The following IL1B variants were observed in gnomAD, a reference collection of about 807,000 sequenced individuals.
IL1B encodes interleukin 1 beta, also known as interleukin-1 beta.
IL1B carries 11 observed loss-of-function variants against 26.2 expected under a neutral mutation model. That is an observed-to-expected ratio of 0.42 (90% CI 0.26 to 0.70). The LOEUF is 0.70. Among genes scored for constraint, IL1B ranks in the 30% least tolerant of loss-of-function variants. IL1B has a pLI of 0.25. For missense variants in IL1B, 255 were observed against 327.5 expected, an observed-to-expected ratio of 0.78 and a Z score of 1.71; for synonymous variants, 118 against 120.8, an observed-to-expected ratio of 0.98 and a Z score of 0.15.
chr2:112,831,648 C>T (rs1259944372), intron 5 of IL1B, among the ~76,000 whole-genome samples: 6 of 152,100 alleles, frequency 3.9e-5, no homozygotes, highest in Non-Finnish European at 5.9e-5. Flanking sequence ...CTCAGAGCCT[C>T]ATAGCAGTAG....
At position 112,832,741 on chromosome 2, in the gene IL1B, T is replaced by C; in HGVS notation, c.387A>G (p.Ser129=). ...VRSLNCTLRD[S]QQKSLVMSGP... ...CAGACATCACCAAGCTTTTTTGCTG[T>C]GAGTCCCGGAGCGTGCAGTTCAGTG... The change falls in exon 5 of 7, where the codon TCA becomes TCG. Residue 129 remains serine (S), a synonymous_variant. Transcript: ENST00000263341. 6.2e-7 allele frequency: 1 copy of C among 1,614,196 alleles called. No individual in the cohort carries two copies. The highest frequency in any genetic ancestry group is 8.5e-7 in the Non-Finnish European group (1 of 1,180,022).
intron 5 of IL1B, among the ~76,000 whole-genome samples, chr2:112,832,048 T>C (rs1681994029): frequency 6.6e-6 from 1 of 152,212 alleles, no homozygotes; most frequent in African/African-American, 2.4e-5. Flanking sequence ...AGGCTGTCCT[T>C]CAAAGTCAGC....
At chr2:112,833,599 G>A (rs747123501) in intron 3 of IL1B, 24 bp from the exon 4 acceptor site, 6 of 1,606,996 alleles carry the variant, frequency 3.7e-6, no homozygotes, top group Non-Finnish European at 5.1e-6. Context: ...GAGGGAGGGA[G>A]CCTGGTGAGG....
Position 112,835,624 on chromosome 2 carries a change from T to TA in IL1B, c.48-8dup. 6.2e-7 allele frequency: 1 copy of TA among 1,611,354 alleles called. No individual in the cohort carries two copies. The highest frequency in any genetic ancestry group is 8.5e-7 in the Non-Finnish European group (1 of 1,177,434). ...CAAGTCATCCTCATTGCCACTGTAA[T>TA]AAAAACAGGGACATGTCTCAATTAT... On this transcript the variant is annotated splice_polypyrimidine_tract_variant and splice_region_variant and intron_variant, in intron 2 of 6. Transcript: ENST00000263341.
chr2:112,831,046 A>G (rs1347200821), intron 6 of IL1B: 1 of 491,964 alleles, frequency 2.0e-6, no homozygotes, highest in Admixed American at 3.0e-5. Flanking sequence ...CTAACAATAT[A>G]TAATCTGTTG....
chr2:112,833,666 A>C, intron 3 of IL1B, 91 bp from the exon 4 acceptor site: 1 of 1,176,552 alleles, frequency 8.5e-7, no homozygotes, highest in South Asian at 1.2e-5. Flanking sequence ...AGAGAGGAGG[A>C]AAGGGCTTGA....
chr2:112,834,917 C>A (rs950976485), intron 3 of IL1B, among the ~76,000 whole-genome samples: 1 of 152,158 alleles, frequency 6.6e-6, no homozygotes, highest in African/African-American at 2.4e-5. Flanking sequence ...GAAAAATGAC[C>A]ATTTGCTGCC....
At chr2:112,831,034 C>G in intron 6 of IL1B, 1 of 475,540 alleles carries the variant, frequency 2.1e-6, no homozygotes, top group South Asian at 2.0e-5. Flanking sequence ...ATGAGAGCAG[C>G]CCTAACAATA....
Position 112,830,168 on chromosome 2 carries a change from G to C in IL1B, c.*193C>G. 1.7e-6 allele frequency: 1 copy of C among 592,500 alleles called. No individual in the cohort carries two copies. The highest frequency in any genetic ancestry group is 3.0e-6 in the Non-Finnish European group (1 of 331,142). 36.7% of individuals were successfully genotyped at this position (592,500 alleles called of 1,614,324 possible). A position where few individuals can be genotyped will look rare whatever the true frequency, so the allele number is the denominator to read the frequency against. On this transcript the variant is annotated 3_prime_UTR_variant, in exon 7 of 7. Transcript: ENST00000263341. ...AAAGGGCTGGGGATTGGCCCTGAAA[G>C]GAGAGAGCTGACTGTCCTGGCTGAT...
At chr2:112,831,494 A>T (rs1398329364) in intron 5 of IL1B, 72 bp from the exon 6 acceptor site, 2 of 1,560,278 alleles carry the variant, frequency 1.3e-6, no homozygotes, top group African/African-American at 1.4e-5. Flanking sequence ...AGGCCCCATG[A>T]GTAGGATACA....
chr2:112,835,370 C>T lies in IL1B; in HGVS notation c.99+196G>A, dbSNP rs3917353. The stretch of plus-strand genomic sequence containing the variant: ...CACCAAGTGTGGCCACCACCACCAA[C>T]GTTAGTGAGTGACTGTGGTGATATG... On this transcript the variant is annotated intron_variant, in intron 3 of 6. Transcript: ENST00000263341. The T allele has an allele frequency of 2.3e-3, 1,493 of 640,132 alleles. 20 individuals are homozygous for T. The African/African-American group carries it at 0.024, about 10-fold the overall frequency. The allele number at this position is 640,132 out of a possible 1,614,324, so 39.7% of individuals were successfully genotyped here.
Position 112,831,234 on chromosome 2 carries a change from C to T in IL1B, c.597+58G>A. ...ATGGGGGCGGGGAGAAGGTGGTTGT[C>T]TGGGAATAAGTGGTAGCAGGAGGCT... On this transcript the variant is annotated intron_variant, in intron 6 of 6. Transcript: ENST00000263341. 3 of 1,607,488 alleles carry T rather than the reference C, an allele frequency of 1.9e-6. No individual in the cohort carries two copies. In the South Asian group the frequency reaches 3.3e-5, roughly 18 times the overall value.
Position 112,832,810 on chromosome 2 carries a change from G to A in IL1B, c.318C>T (p.Asp106=), listed in dbSNP as rs766629497. 1.2e-6 allele frequency: 2 copies of A among 1,614,204 alleles called. No homozygotes were observed. The highest frequency in any genetic ancestry group is 1.7e-6 in the Non-Finnish European group (2 of 1,180,036). ...GCACATAAGCCTCGTTATCCCATGT[G>A]TCGAAGAAGATAGGTTCTGAAATGT... ...FIFEEEPIFF[D]TWDNEAYVHD... is the part of the protein sequence containing the mutation. The change falls in exon 5 of 7, where the codon GAC becomes GAT. Residue 106 remains aspartate, a synonymous_variant. Coordinates refer to ENST00000263341, the MANE Select transcript of IL1B (RefSeq NM_000576.3).
chr2:112,836,153 C>CTTTCA, intron 2 of IL1B, 30 bp downstream of exon 2: 1 of 1,605,512 alleles, frequency 6.2e-7, no homozygotes, highest in Non-Finnish European at 8.5e-7. Context: ...GAGACCTGCT[C>CTTTCA]ATGTTACTGG....
Position 112,831,372 on chromosome 2 carries a change from G to T in IL1B, c.517C>A (p.Pro173Thr). 1 of 1,613,994 alleles carries T rather than the reference G, an allele frequency of 6.2e-7. No individual in the cohort carries two copies. Among genetic ancestry groups the T allele is most frequent in the Non-Finnish European group, 8.5e-7 (1 of 1,179,908 alleles). The change falls in exon 6 of 7, where the codon CCT becomes ACT. Residue 173 changes from proline to threonine, a missense_variant. By Grantham distance (38) the Pro-to-Thr change is conservative. Transcript: ENST00000263341. Reference sequence around the variant, plus strand: ...TTTTCCTTGAGGCCCAAGGCCACAGGTATTTTGTCATTACTTTCTTCTCCT... The same window carrying T: ...TTTTCCTTGAGGCCCAAGGCCACAGTTATTTTGTCATTACTTTCTTCTCCT... ...VQGEESNDKI[P>T]VALGLKEKNL...
At position 112,830,541 on chromosome 2, in the gene IL1B, C is replaced by A. The variant is rs138009692; in HGVS notation, c.630G>T (p.Lys210Asn). 1.3e-6 allele frequency: 2 copies of A among 1,526,938 alleles called. No individual in the cohort carries two copies. The highest frequency in any genetic ancestry group is 2.4e-5 in the South Asian group (2 of 82,228). 94.6% of individuals were successfully genotyped at this position (1,526,938 alleles called of 1,614,324 possible). ...SVDPKNYPKK[K>N]MEKRFVFNKI... ...TGTTGAAGACAAATCGCTTTTCCAT[C>A]TTCTTCTTTGGGTAATTTTTGGGAT... The change falls in exon 7 of 7, where the codon AAG (lysine) becomes AAT (asparagine). Residue 210 changes from lysine (K) to asparagine (N), a missense_variant. Transcript: ENST00000263341.
At position 112,830,116 on chromosome 2, in the gene IL1B, G is replaced by T; in HGVS notation, c.*245C>A. On this transcript the variant is annotated 3_prime_UTR_variant, in exon 7 of 7. Transcript: ENST00000263341. ...TGTCAGGCGGGCTTTAAGTGAGTAG[G>T]AGAGGTGAGAGAGGCCTGGCTCAAC... The T allele has an allele frequency of 2.0e-6, 1 of 509,134 alleles. No individual in the cohort carries two copies. Among genetic ancestry groups the T allele is most frequent in the Non-Finnish European group, 3.5e-6 (1 of 283,380 alleles). The allele number at this position is 509,134 out of a possible 1,614,324, so 31.5% of individuals were successfully genotyped here. A position where few individuals can be genotyped will look rare whatever the true frequency, so the allele number is the denominator to read the frequency against.
chr2:112,830,725 C>T (rs1143643), intron 6 of IL1B, 152 bp from the exon 7 acceptor site: 209,599 of 638,918 alleles, frequency 0.33, 36,859 homozygotes, highest in East Asian at 0.54. Context: ...CCCAACTTTC[C>T]GTGTGATTAT....
rs1002440259 is a variant in IL1B, at chr2:112,829,987, AAAAC to A, written c.*370_*373del. ...CTTTGAATAAATTAGACCAATGAAT[AAAAC>A]AAACAAACAAATAAATAAATAAATA... On this transcript the variant is annotated 3_prime_UTR_variant, in exon 7 of 7. Coordinates refer to ENST00000263341, the MANE Select transcript of IL1B (RefSeq NM_000576.3). 5.0e-5 allele frequency: 11 copies of A among 219,018 alleles called. No individual in the cohort carries two copies. Among genetic ancestry groups the A allele is most frequent in the Admixed American group, 2.6e-4 (5 of 19,280 alleles). The allele number at this position is 219,018 out of a possible 1,614,324, so 13.6% of individuals were successfully genotyped here. A position where few individuals can be genotyped will look rare whatever the true frequency, so the allele number is the denominator to read the frequency against.
Sources: allele counts gnomAD v4.1 joint callset (sites outside exome capture counted in the v4.1 genomes callset), GRCh38; gene constraint gnomAD v4.1.1; transcripts MANE v1.5; gene names NCBI Gene and HGNC (gene_info 2026-07-23, HGNC 2026-07-21).